Variants in CEP104 observed in about 807,000 individuals in gnomAD.
The protein encoded by CEP104 is centrosomal protein 104.
CEP104 carries 84 observed loss-of-function variants against 113.3 expected under a neutral mutation model. That is an observed-to-expected ratio of 0.74 (90% confidence interval 0.62 to 0.89). The LOEUF is 0.89. CEP104 is among the 40% of genes least tolerant of loss of function. The probability of loss-of-function intolerance (pLI) is 0.00; values close to 1 mark genes in which losing one functional copy is unlikely to be tolerated. For missense variants in CEP104, 1,053 were observed against 1,156.6 expected, an observed-to-expected ratio of 0.91 and a Z score of 1.30; for synonymous variants, 378 against 421.7, an observed-to-expected ratio of 0.90 and a Z score of 1.27.
chr1:3,836,769 G>GTAAGCCTGCCAGTGA, intron 9 of CEP104, 77 bp from the exon 10 acceptor site: 1 of 1,286,288 alleles, frequency 7.8e-7, no homozygotes, highest in Non-Finnish European at 1.1e-6. Context: ...CTCACTGGCA[G>GTAAGCCTGCCAGTGA]GCTTACTGCG....
rs1270226679 is a variant in CEP104, at chr1:3,814,032, AG to A, written c.*1369del. 6.6e-6 allele frequency: 1 copy of A among 152,242 alleles called. No individual in the cohort carries two copies. Among genetic ancestry groups the A allele is most frequent in the African/African-American group, 2.4e-5 (1 of 41,460 alleles). 9.4% of individuals were successfully genotyped at this position (152,242 alleles called of 1,614,324 possible). On this transcript the variant is annotated 3_prime_UTR_variant, in exon 22 of 22. Transcript: ENST00000378230. ...GGAGTACATTGTTCAAATCGGGATT[AG>A]TTTTTAGATATTTTGTTGTTTCACA...
chr1:3,831,860 C>T lies in CEP104; in HGVS notation c.1660-638G>A, dbSNP rs189073180. On this transcript the variant is annotated intron_variant, in intron 12 of 21. Transcript: ENST00000378230. ...CTTATCACCTAAAATAATCTCTTAT[C>T]GTGCTGGCCTGACTCACTCTGGATT... Among the ~76,000 whole-genome samples, 703 of 152,318 alleles carry T rather than the reference C, an allele frequency of 4.6e-3. 8 individuals are homozygous for T. Among genetic ancestry groups the T allele is most frequent in the African/African-American group, 0.016 (654 of 41,572 alleles).
At chr1:3,816,504 C>T in intron 20 of CEP104, 134 bp from the exon 21 acceptor site, 1 of 638,874 alleles carries the variant, frequency 1.6e-6, no homozygotes, top group Non-Finnish European at 2.7e-6. Context: ...AAGAACGGCT[C>T]CCTCACCTGG....
chr1:3,830,059 C>T (rs1310883933), intron 13 of CEP104, 62 bp from the exon 14 acceptor site: 1 of 1,202,958 alleles, frequency 8.3e-7, no homozygotes, highest in South Asian at 1.3e-5. Context: ...TTCCAGCTTA[C>T]AAAAAAGGTA....
intron 20 of CEP104, among the ~76,000 whole-genome samples, chr1:3,822,085 A>T (rs1035250730): frequency 2.6e-5 from 4 of 152,208 alleles, no homozygotes. Context: ...AAGAGAGGGG[A>T]GCACGTGGGG....
At chr1:3,825,982 T>A in intron 17 of CEP104, 116 bp from the exon 18 acceptor site, 1 of 745,180 alleles carries the variant, frequency 1.3e-6, no homozygotes, top group Non-Finnish European at 2.3e-6. Context: ...TGTGTGCACT[T>A]TCCCTCTCAT....
rs1011128238 is a variant in CEP104 at position 3,842,636 on chromosome 1, C to T, written c.566+2271G>A. Among the ~76,000 whole-genome samples, 8 of 152,202 alleles carry T rather than the reference C, an allele frequency of 5.3e-5. No individual in the cohort carries two copies. In the East Asian group the frequency reaches 5.8e-4, roughly 11 times the overall value. On this transcript the variant is annotated intron_variant, in intron 6 of 21. Coordinates refer to ENST00000378230, the MANE Select transcript of CEP104 (RefSeq NM_014704.4). ...TGGATCAAGAATTAATCACTTTCTG[C>T]GAGCAGTCTGTATGCAGGTAAAAGT...
At chr1:3,826,317 T>C (rs773892528) in intron 17 of CEP104, 53 bp downstream of exon 17, 13 of 1,498,160 alleles carry the variant, frequency 8.7e-6, no homozygotes, top group Non-Finnish European at 1.1e-5. Context: ...AGGGTTTCTG[T>C]GTGGCTGGTT....
chr1:3,850,673 T>C (rs1246447758), intron 2 of CEP104, among the ~76,000 whole-genome samples: 1 of 152,174 alleles, frequency 6.6e-6, no homozygotes, highest in African/African-American at 2.4e-5. Flanking sequence ...GGTATCCTCC[T>C]TTGTCTTTCT....
In CEP104 at chr1:3,815,147, G is replaced by A. The variant is rs548399542; in HGVS notation, c.*255C>T. On this transcript the variant is annotated 3_prime_UTR_variant, in exon 22 of 22. Transcript: ENST00000378230. ...CGCTTCCTTCTCTGATTCTAAGGAA[G>A]GCCTGAGACAGCCCTGAAGGCTTAA... 1 of 471,878 alleles carries A rather than the reference G, an allele frequency of 2.1e-6. No homozygotes were observed. The highest frequency in any genetic ancestry group is 2.0e-5 in the African/African-American group (1 of 49,474). The allele number at this position is 471,878 out of a possible 1,614,324, so 29.2% of individuals were successfully genotyped here.
At chr1:3,842,554 G>A (rs1644432757) in intron 6 of CEP104, among the ~76,000 whole-genome samples, 1 of 152,228 alleles carries the variant, frequency 6.6e-6, no homozygotes, top group Non-Finnish European at 1.5e-5. Context: ...AATCGCATGT[G>A]GCTCCTGAGC....
At chr1:3,824,332 C>T (rs1436992841) in intron 18 of CEP104, among the ~76,000 whole-genome samples, 6 of 152,112 alleles carry the variant, frequency 3.9e-5, no homozygotes, top group Non-Finnish European at 5.9e-5. Context: ...GTGATCCGCC[C>T]GCCTCAGCCT....
In CEP104 at chr1:3,823,941, C is replaced by T. The variant is rs1644032692; in HGVS notation, c.2365-379G>A. Among the ~76,000 whole-genome samples the T allele has an allele frequency of 6.6e-6, 1 of 152,172 alleles. No homozygotes were observed. Among genetic ancestry groups the T allele is most frequent in the African/African-American group, 2.4e-5 (1 of 41,436 alleles). On this transcript the variant is annotated intron_variant, in intron 18 of 21. Coordinates refer to ENST00000378230, the MANE Select transcript of CEP104 (RefSeq NM_014704.4). The surrounding 1 kb of genome is among the most constrained non-coding windows in gnomAD (Gnocchi z 4.1). The stretch of plus-strand genomic sequence containing the variant: ...CTAAGAATGCACACAGAAACAGGAC[C>T]ACAGAAAAGAATTTTAAGAGATTCT...
At chr1:3,847,238 C>T (rs1644523637) in intron 4 of CEP104, among the ~76,000 whole-genome samples, 1 of 151,670 alleles carries the variant, frequency 6.6e-6, no homozygotes, top group Admixed American at 6.6e-5. Flanking sequence ...CTGAAGCCCA[C>T]TGTCTGGTGA....
intron 5 of CEP104, 109 bp downstream of exon 5, chr1:3,845,180 C>T (rs762406438): frequency 2.2e-6 from 2 of 899,260 alleles, no homozygotes; most frequent in Non-Finnish European, 3.5e-6. Flanking sequence ...ATTCACTAGT[C>T]AATTTTATGC....
rs548532722 is a variant in CEP104 at position 3,843,362 on chromosome 1, GA to G, written c.566+1544del. On this transcript the variant is annotated intron_variant, in intron 6 of 21. Transcript: ENST00000378230. The stretch of plus-strand genomic sequence containing the variant: ...AAAAGAGGAAGCGGCAACAGCAGCA[GA>G]AAAATATGTATAATTTTTTTTTTTT... 68 of 485,702 alleles carry G rather than the reference GA, an allele frequency of 1.4e-4. No homozygotes were observed. The African/African-American group carries it at 1.4e-3, about 10-fold the overall frequency. 30.1% of individuals were successfully genotyped at this position (485,702 alleles called of 1,614,324 possible).
chr1:3,836,846 T>C (rs1644324543), intron 9 of CEP104, 154 bp from the exon 10 acceptor site: 1 of 623,626 alleles, frequency 1.6e-6, no homozygotes. Flanking sequence ...GAATAATTTA[T>C]ACAACAAATA....
At chr1:3,831,671 G>GA (rs1644211111) in intron 12 of CEP104, among the ~76,000 whole-genome samples, 3 of 152,024 alleles carry the variant, frequency 2.0e-5, no homozygotes, top group Admixed American at 6.6e-5. Context: ...GGTTAAGATG[G>GA]AAAAAATGTA....
chr1:3,833,844 C>T lies in CEP104; in HGVS notation c.1659+18G>A, dbSNP rs1644261362. 6.2e-7 allele frequency: 1 copy of T among 1,612,368 alleles called. No individual in the cohort carries two copies. The highest frequency in any genetic ancestry group is 1.3e-5 in the African/African-American group (1 of 74,858). ...TGTTTATCATCTACGGTTTCAAATG[C>T]CGTGGTGAAGTTCAGACCTGAATAA... On this transcript the variant is annotated intron_variant, in intron 12 of 21. Coordinates refer to ENST00000378230, the MANE Select transcript of CEP104 (RefSeq NM_014704.4).
Sources: allele counts gnomAD v4.1 joint callset (sites outside exome capture counted in the v4.1 genomes callset), GRCh38; gene constraint gnomAD v4.1.1; non-coding constraint Gnocchi (gnomAD v3.1); transcripts MANE v1.5; gene names NCBI Gene and HGNC (gene_info 2026-07-23, HGNC 2026-07-21).